The following JAZF1 variants were observed in gnomAD, a reference collection of about 807,000 sequenced individuals.
JAZF1 encodes JAZF zinc finger 1.
JAZF1 carries 8 observed loss-of-function variants against 26.4 expected under a neutral mutation model. The ratio of observed to expected loss-of-function variants is 0.30; its 90% CI spans 0.18 to 0.55. The LOEUF is 0.55. Among genes scored for constraint, JAZF1 ranks in the 20% least tolerant of loss-of-function variants. The pLI is 0.94. For synonymous variants in JAZF1, 126 were observed against 122.3 expected, an observed-to-expected ratio of 1.03 and a Z score of -0.20; for missense variants, 199 against 322.0, an observed-to-expected ratio of 0.62 and a Z score of 2.92.
At chr7:27,974,679 G>T (rs569142349) in intron 2 of JAZF1, among the ~76,000 whole-genome samples, 4 of 152,324 alleles carry the variant, frequency 2.6e-5, no homozygotes, top group African/African-American at 9.6e-5. Context: ...GAGATGATGA[G>T]TGGGCAAGGT....
chr7:27,943,523 G>A (rs950573265), intron 2 of JAZF1, among the ~76,000 whole-genome samples: 1 of 152,146 alleles, frequency 6.6e-6, no homozygotes, highest in Non-Finnish European at 1.5e-5. Flanking sequence ...CCGACACCTC[G>A]GGCCCACTTC....
In JAZF1 at chr7:27,846,569, A is replaced by T. The variant is rs1045689830; in HGVS notation, c.386-5702T>A. 5 of 470,828 alleles carry T rather than the reference A, an allele frequency of 1.1e-5. No individual in the cohort carries two copies. The Admixed American group carries it at 1.2e-4, about 11-fold the overall frequency. 29.2% of individuals were successfully genotyped at this position (470,828 alleles called of 1,614,324 possible). On this transcript the variant is annotated intron_variant, in intron 3 of 4. Transcript: ENST00000283928. The stretch of plus-strand genomic sequence containing the variant: ...TTTTCTGTAGGTATATAACCAGAAG[A>T]GGGATTGTTGGGTCATATGGTTAGC...
rs184558677 is a variant in JAZF1, at chr7:27,959,720, C to T, written c.188+32189G>A. On this transcript the variant is annotated intron_variant, in intron 2 of 4. Transcript: ENST00000283928. Reference sequence around the variant, plus strand: ...TTCGAGACCAGCCTGACCAACATGGCGAAACACCATCTCTACTAAAAATAA... The same window carrying T: ...TTCGAGACCAGCCTGACCAACATGGTGAAACACCATCTCTACTAAAAATAA... 5.3e-4 allele frequency among the ~76,000 whole-genome samples: 81 copies of T among 151,472 alleles called. 1 individual carries two copies. In the East Asian group the frequency reaches 0.013, roughly 25 times the overall value.
chr7:28,036,337 T>C (rs1456539521), intron 1 of JAZF1, among the ~76,000 whole-genome samples: 1 of 152,248 alleles, frequency 6.6e-6, no homozygotes, highest in Non-Finnish European at 1.5e-5. Context: ...AAAACCTATC[T>C]GACTTCTATA....
chr7:28,086,491 C>T (rs557713521), intron 1 of JAZF1, among the ~76,000 whole-genome samples: 4 of 152,278 alleles, frequency 2.6e-5, no homozygotes, highest in African/African-American at 4.8e-5. Flanking sequence ...AGTTTCACCA[C>T]GAGCATCTAT....
At chr7:27,896,012 C>A (rs943136859) in intron 2 of JAZF1, among the ~76,000 whole-genome samples, 1 of 152,204 alleles carries the variant, frequency 6.6e-6, no homozygotes, top group African/African-American at 2.4e-5. Flanking sequence ...CAGTTCCTAG[C>A]ACAGGGCCAG....
Position 27,840,607 on chromosome 7 carries a change from G to T in JAZF1, c.555+91C>A. 2.3e-6 allele frequency: 3 copies of T among 1,333,098 alleles called. No homozygotes were observed. Among genetic ancestry groups the T allele is most frequent in the Non-Finnish European group, 3.2e-6 (3 of 946,624 alleles). 82.6% of individuals were successfully genotyped at this position (1,333,098 alleles called of 1,614,324 possible). A position where few individuals can be genotyped will look rare whatever the true frequency, so the allele number is the denominator to read the frequency against. ...GGGAGTGTCTCCCCCCAGCCCATAC[G>T]CTCGCTTTAAAATCAAGAAAGGGCT... On this transcript the variant is annotated intron_variant, in intron 4 of 4. Transcript: ENST00000283928. This position sits in a 1 kb window ranked among gnomAD's most constrained non-coding sequence, Gnocchi z 5.1.
chr7:28,151,840 T>A (rs1417111866), intron 1 of JAZF1, among the ~76,000 whole-genome samples: 1 of 151,864 alleles, frequency 6.6e-6, no homozygotes. Flanking sequence ...AAAGTTTGAG[T>A]CAAAACTAAT....
At chr7:27,851,578 G>T (rs1783151037) in intron 3 of JAZF1, among the ~76,000 whole-genome samples, 1 of 152,126 alleles carries the variant, frequency 6.6e-6, no homozygotes, top group Admixed American at 6.5e-5. Context: ...GCAAAACCAG[G>T]ATAGAACCCT....
At chr7:27,910,016 C>T (rs1784333816) in intron 2 of JAZF1, among the ~76,000 whole-genome samples, 1 of 152,202 alleles carries the variant, frequency 6.6e-6, no homozygotes, top group Non-Finnish European at 1.5e-5. Flanking sequence ...ACACAACACA[C>T]ACTGCCAAAT....
At chr7:27,949,486 G>C (rs970672454) in intron 2 of JAZF1, among the ~76,000 whole-genome samples, 1 of 152,220 alleles carries the variant, frequency 6.6e-6, no homozygotes, top group African/African-American at 2.4e-5. Flanking sequence ...CTGTGGGTCT[G>C]AGCCACAAAG....
intron 3 of JAZF1, among the ~76,000 whole-genome samples, chr7:27,854,647 T>C (rs1783211094): frequency 1.3e-5 from 2 of 152,228 alleles, no homozygotes; most frequent in East Asian, 1.9e-4. Flanking sequence ...TGGCTGGATA[T>C]GAAATTCTGG....
chr7:28,062,375 G>A (rs1783812482), intron 1 of JAZF1, among the ~76,000 whole-genome samples: 1 of 152,112 alleles, frequency 6.6e-6, no homozygotes, highest in South Asian at 2.1e-4. Flanking sequence ...ACGTTTTCTT[G>A]CTGCTGCTTC....
chr7:27,854,936 G>A (rs947947783), intron 3 of JAZF1, among the ~76,000 whole-genome samples: 5 of 152,230 alleles, frequency 3.3e-5, no homozygotes, highest in African/African-American at 9.6e-5. Context: ...AGTCCTCCTG[G>A]AAAATATCCT....
chr7:27,995,329 A>G (rs763629249), intron 1 of JAZF1, among the ~76,000 whole-genome samples: 26 of 152,212 alleles, frequency 1.7e-4, no homozygotes, highest in Non-Finnish European at 3.2e-4. Flanking sequence ...TAAGCTTGCA[A>G]TTTGGCAAGA....
intron 1 of JAZF1, among the ~76,000 whole-genome samples, chr7:28,175,742 G>C (rs3735569): frequency 0.1 from 15,466 of 152,166 alleles, 1,367 homozygotes; most frequent in East Asian, 0.47. Context: ...CACCTAATTG[G>C]CAACTGGCAT....
chr7:27,834,683 G>A (rs573936955), intron 4 of JAZF1, among the ~76,000 whole-genome samples: 3 of 152,340 alleles, frequency 2.0e-5, no homozygotes, highest in South Asian at 2.1e-4. Context: ...AGTCCCTGGC[G>A]GTTCCATCCC....
At chr7:28,048,848 G>A (rs998395286) in intron 1 of JAZF1, among the ~76,000 whole-genome samples, 12 of 152,146 alleles carry the variant, frequency 7.9e-5, no homozygotes, top group Admixed American at 4.6e-4. Context: ...GTACTGACAC[G>A]TTACAGCATT....
chr7:28,140,176 C>A (rs1166525434), intron 1 of JAZF1, among the ~76,000 whole-genome samples: 1 of 151,526 alleles, frequency 6.6e-6, no homozygotes, highest in Non-Finnish European at 1.5e-5. Context: ...TTCAGCTCCC[C>A]GGTTCCAGCA....
Sources: gnomAD v4.1 joint callset for allele counts (sites outside exome capture counted in the v4.1 genomes callset) on GRCh38, gnomAD v4.1.1 for gene constraint, Gnocchi (gnomAD v3.1) non-coding constraint, MANE v1.5 for transcripts, NCBI Gene and HGNC (gene_info 2026-07-23, HGNC 2026-07-21) for gene names.